Variants in DENND2C observed in about 807,000 individuals in gnomAD.
DENND2C encodes DENN domain-containing protein 2C.
Under a neutral mutation model 112.4 loss-of-function variants are expected in DENND2C, and 72 were observed. That is an observed-to-expected ratio of 0.64 (90% confidence interval 0.53 to 0.78). The LOEUF is 0.78. Among genes scored for constraint, DENND2C ranks in the 30% least tolerant of loss-of-function variants. DENND2C has a pLI of 0.00. For synonymous variants in DENND2C, 329 were observed against 381.6 expected, an observed-to-expected ratio of 0.86 and a Z score of 1.61; for missense variants, 992 against 1,113.8, an observed-to-expected ratio of 0.89 and a Z score of 1.56.
At chr1:114,608,638 A>G in intron 10 of DENND2C, 48 bp downstream of exon 10, 1 of 1,583,882 alleles carries the variant, frequency 6.3e-7, no homozygotes. Flanking sequence ...ACATGTACAC[A>G]GAGACACAGG....
intron 2 of DENND2C, 111 bp downstream of exon 2, chr1:114,654,394 T>C (rs2101692333): frequency 6.6e-6 from 1 of 152,032 alleles, no homozygotes; most frequent in East Asian, 1.9e-4. Context: ...ATCACGCCAC[T>C]GCACTCCAGC....
intron 1 of DENND2C, among the ~76,000 whole-genome samples, chr1:114,666,645 G>A (rs1338162837): frequency 2.0e-5 from 3 of 152,068 alleles, no homozygotes; most frequent in African/African-American, 7.2e-5. Flanking sequence ...AGTAGAGATG[G>A]GGTTTCGCCA....
Position 114,611,106 on chromosome 1 carries a change from C to T in DENND2C, c.1336G>A (p.Gly446Arg). The T allele has an allele frequency of 6.2e-7, 1 of 1,614,126 alleles. No individual in the cohort carries two copies. Among genetic ancestry groups the T allele is most frequent in the East Asian group, 2.2e-5 (1 of 44,876 alleles). ...AGATACTCGGCATCACTTTCGTTCC[C>T]ACTGGTTTCACCTGAAAAGAGAGAA... ...ELPPTKGETSGNESDAEYLPK... is the reference protein window; with the variant it reads ...ELPPTKGETSRNESDAEYLPK... The change falls in exon 9 of 21, where the codon GGG becomes AGG. Residue 446 changes from glycine to arginine, a missense_variant. Gly to Arg is a moderately radical substitution (Grantham distance 125). Transcript: ENST00000393274.
chr1:114,622,715 GGGGAGT>G (rs991924730), intron 6 of DENND2C, among the ~76,000 whole-genome samples: 7 of 151,646 alleles, frequency 4.6e-5, no homozygotes, highest in African/African-American at 1.7e-4. Flanking sequence ...AGACTAATAG[GGGGAGT>G]GGGAACTATA....
At chr1:114,661,181 A>G (rs1327430506) in intron 1 of DENND2C, among the ~76,000 whole-genome samples, 1 of 152,124 alleles carries the variant, frequency 6.6e-6, no homozygotes, top group African/African-American at 2.4e-5. Context: ...TACAACTTAC[A>G]ATATCAGCGA....
At chr1:114,632,814 T>C (rs758382292) in intron 3 of DENND2C, among the ~76,000 whole-genome samples, 3 of 152,208 alleles carry the variant, frequency 2.0e-5, no homozygotes, top group Non-Finnish European at 4.4e-5. Context: ...TACACTTATC[T>C]GTATTTAGTG....
At chr1:114,662,986 G>A (rs948063629) in intron 1 of DENND2C, among the ~76,000 whole-genome samples, 3 of 151,714 alleles carry the variant, frequency 2.0e-5, no homozygotes, top group African/African-American at 7.3e-5. Flanking sequence ...AAGGAAGAGG[G>A]AAAAGGAAAG....
intron 17 of DENND2C, chr1:114,595,241 G>A: frequency 6.5e-6 from 1 of 152,718 alleles, no homozygotes; most frequent in Non-Finnish European, 1.5e-5. Context: ...AGCACTTTGG[G>A]AGGCAGAGGC....
chr1:114,668,550 CA>C (rs1557965243), intron 1 of DENND2C, among the ~76,000 whole-genome samples: 11 of 151,762 alleles, frequency 7.2e-5, no homozygotes, highest in East Asian at 5.8e-4. Context: ...CACACACACA[CA>C]CACCCCAACT....
At chr1:114,635,919 T>C (rs1055430593) in intron 3 of DENND2C, among the ~76,000 whole-genome samples, 1 of 151,842 alleles carries the variant, frequency 6.6e-6, no homozygotes, top group Non-Finnish European at 1.5e-5. Context: ...GGTAGGAGGA[T>C]TGCTTGAACC....
chr1:114,611,261 A>G, intron 8 of DENND2C, 144 bp from the exon 9 acceptor site: 1 of 861,184 alleles, frequency 1.2e-6, no homozygotes, highest in South Asian at 1.7e-5. Context: ...ACTTGGTTGT[A>G]TCAAGTTGGG....
intron 4 of DENND2C, among the ~76,000 whole-genome samples, chr1:114,624,217 A>T (rs1380510671): frequency 6.6e-6 from 1 of 152,208 alleles, no homozygotes; most frequent in Non-Finnish European, 1.5e-5. Context: ...TCACTTTGTA[A>T]GGAAAAGTGG....
At chr1:114,633,297 T>C (rs1390913211) in intron 3 of DENND2C, among the ~76,000 whole-genome samples, 1 of 151,810 alleles carries the variant, frequency 6.6e-6, no homozygotes, top group African/African-American at 2.4e-5. Context: ...ATACAGAAAC[T>C]GGCCAGGCGT....
At chr1:114,661,652 C>T (rs1421650575) in intron 1 of DENND2C, among the ~76,000 whole-genome samples, 1 of 152,136 alleles carries the variant, frequency 6.6e-6, no homozygotes, top group East Asian at 1.9e-4. Context: ...TTGACAAAGC[C>T]ATATTTTAAA....
intron 7 of DENND2C, among the ~76,000 whole-genome samples, chr1:114,620,616 T>C (rs1434850715): frequency 2.0e-5 from 3 of 152,190 alleles, no homozygotes; most frequent in African/African-American, 7.2e-5. Flanking sequence ...GCTGCTTTGT[T>C]GTGCCAACAT....
At chr1:114,611,697 T>C (rs2101655838) in intron 8 of DENND2C, among the ~76,000 whole-genome samples, 1 of 152,082 alleles carries the variant, frequency 6.6e-6, no homozygotes, top group South Asian at 2.1e-4. Flanking sequence ...CTTTCCCCAA[T>C]CCGATTTTAA....
chr1:114,646,967 C>G (rs922841618), intron 2 of DENND2C, among the ~76,000 whole-genome samples: 1 of 152,030 alleles, frequency 6.6e-6, no homozygotes, highest in African/African-American at 2.4e-5. Context: ...TGAGACCAGC[C>G]TGGCCAACAT....
chr1:114,633,540 T>C (rs1018749421), intron 3 of DENND2C, among the ~76,000 whole-genome samples: 2 of 151,362 alleles, frequency 1.3e-5, no homozygotes, highest in African/African-American at 4.9e-5. Context: ...TATGAAGTGG[T>C]ACTTTATACA....
Position 114,622,972 on chromosome 1 carries a change from A to G in DENND2C, c.1056+15T>C, listed in dbSNP as rs1161299687. ...AAGATTCTAATGTTTTCTTCAATTC[A>G]TTATCTGGTTATACCTTGGGTGCTT... On this transcript the variant is annotated intron_variant, in intron 6 of 20. Transcript: ENST00000393274. 2 of 1,575,296 alleles carry G rather than the reference A, an allele frequency of 1.3e-6. No homozygotes were observed. The highest frequency in any genetic ancestry group is 1.4e-5 in the African/African-American group (1 of 73,432).
Sources: gnomAD v4.1 joint callset for allele counts (sites outside exome capture counted in the v4.1 genomes callset) on GRCh38, gnomAD v4.1.1 for gene constraint, MANE v1.5 for transcripts, NCBI Gene and HGNC (gene_info 2026-07-23, HGNC 2026-07-21) for gene names.